Variants in MBD1 observed in about 807,000 individuals in gnomAD.
MBD1 encodes methyl-CpG binding domain protein 1.
A neutral mutation model predicts 82.6 loss-of-function variants in MBD1; 25 were observed. The observed-to-expected ratio is 0.30, with a 90% CI of 0.22 to 0.42. MBD1 has a LOEUF of 0.42. Among genes scored for constraint, MBD1 ranks in the 10% least tolerant of loss-of-function variants. The pLI is 1.00. For synonymous variants in MBD1, 301 were observed against 303.7 expected (o/e 0.99, Z 0.09); for missense variants, 627 against 819.6 (o/e 0.76, Z 2.87).
chr18:50,272,597 G>A (rs1440607860), intron 15 of MBD1, 80 bp downstream of exon 15: 2 of 1,516,074 alleles, frequency 1.3e-6, no homozygotes, highest in Non-Finnish European at 1.8e-6. Context: ...ATGCCAAACT[G>A]CCGGCTATAC....
chr18:50,277,288 T>C, intron 2 of MBD1, 84 bp from the exon 3 acceptor site: 1 of 1,096,552 alleles, frequency 9.1e-7, no homozygotes, highest in Non-Finnish European at 1.4e-6. Context: ...GCTGGCAGGA[T>C]ATAGGAGGCA....
intron 10 of MBD1, 81 bp from the exon 11 acceptor site, chr18:50,274,434 G>T: frequency 6.8e-7 from 1 of 1,472,668 alleles, no homozygotes; most frequent in Non-Finnish European, 9.2e-7. Flanking sequence ...GCTGGTCCTG[G>T]TGCTCCTCTA....
At chr18:50,281,529 C>G, upstream of MBD1, 1 of 575,438 alleles carries the variant, frequency 1.7e-6, no homozygotes, top group Non-Finnish European at 3.1e-6. Flanking sequence ...CTCCCGGAAC[C>G]GGAAGTCCGC....
At chr18:50,267,339 C>T, downstream of MBD1, 1 of 479,806 alleles carries the variant, frequency 2.1e-6, no homozygotes, top group Non-Finnish European at 3.7e-6. Context: ...AACCAAATAA[C>T]CAGTAATAAT....
rs369112732 is a variant in MBD1, at chr18:50,272,966, T to A, written c.1585-11A>T. On this transcript the variant is annotated splice_polypyrimidine_tract_variant and intron_variant, in intron 13 of 16. Transcript: ENST00000269468. ...GCCTGGGTCTACTGCCTGGGAGAAG[T>A]AGGAAACAGGCAACCATTAGAAGGG... 24 of 1,613,766 alleles carry A rather than the reference T, an allele frequency of 1.5e-5. No homozygotes were observed. In the Admixed American group the frequency reaches 3.8e-4, roughly 26 times the overall value.
At chr18:50,271,380 G>T in intron 16 of MBD1, 89 bp downstream of exon 16, 1 of 1,608,362 alleles carries the variant, frequency 6.2e-7, no homozygotes, top group South Asian at 1.1e-5. Context: ...TCCTAGGGTT[G>T]ATTCACACAC....
chr18:50,267,658 T>C (rs985005169), downstream of MBD1: 1 of 1,535,660 alleles, frequency 6.5e-7, no homozygotes. Context: ...AGCAAGGTGG[T>C]AATACCTAAA....
rs1555689732 is a variant in MBD1 at position 50,275,550 on chromosome 18, G to T, written c.792+50C>A. On this transcript the variant is annotated intron_variant, in intron 8 of 16. Coordinates refer to ENST00000269468, the MANE Select transcript of MBD1 (RefSeq NM_015846.4). The stretch of plus-strand genomic sequence containing the variant: ...GCCAGGTTGAAAGGAAGCAGAGGCA[G>T]CGACGATTTTAACAGCAGAATGAGC... The T allele has an allele frequency of 1.9e-6, 3 of 1,613,702 alleles. No homozygotes were observed. The African/African-American group carries it at 4.0e-5, about 22-fold the overall frequency.
At chr18:50,279,685 C>T (rs1257322763) in intron 2 of MBD1, 198 bp downstream of exon 2, 3 of 665,072 alleles carry the variant, frequency 4.5e-6, no homozygotes, top group Non-Finnish European at 7.5e-6. Flanking sequence ...TGAATAATCA[C>T]AAATGCACTG....
In MBD1 at chr18:50,273,808, G is replaced by T; in HGVS notation, c.1202C>A (p.Pro401Gln). Residue 401 changes from proline (P) to glutamine (Q), a missense_variant, in exon 12 of 17, where the codon CCA becomes CAA. Pro to Gln is a moderately conservative substitution (Grantham distance 76). Around this residue, in one of 6 missense-constraint regions of MBD1, gnomAD observed 265 missense variants for 278.4 expected, o/e 0.95. Coordinates refer to ENST00000269468, the MANE Select transcript of MBD1 (RefSeq NM_015846.4). ...SESEDGAGSP[P>Q]PYRRRKRPSS... ...GGGCCTCTTTCGACGACGGTAAGGT[G>T]GGGGCGATCCTGCCCCATCCTCAGA... The T allele has an allele frequency of 6.2e-7, 1 of 1,613,858 alleles. No individual in the cohort carries two copies. Among genetic ancestry groups the T allele is most frequent in the Non-Finnish European group, 8.5e-7 (1 of 1,180,034 alleles).
In MBD1 at chr18:50,269,325, T is replaced by C. The variant is rs962600492; in HGVS notation, c.*526A>G. ...CCTTGGGAGCGGATTCATGGTAGGG[T>C]GGCTTTGTAATGTGTCACCTTGGTG... On this transcript the variant is annotated 3_prime_UTR_variant, in exon 17 of 17. Coordinates refer to ENST00000269468, the MANE Select transcript of MBD1 (RefSeq NM_015846.4). 2.3e-6 allele frequency: 3 copies of C among 1,286,068 alleles called. No homozygotes were observed. The highest frequency in any genetic ancestry group is 3.2e-4 in the Middle Eastern group (1 of 3,158). The allele number at this position is 1,286,068 out of a possible 1,614,324, so 79.7% of individuals were successfully genotyped here. A position where few individuals can be genotyped will look rare whatever the true frequency, so the allele number is the denominator to read the frequency against.
intron 10 of MBD1, among the ~76,000 whole-genome samples, 187 bp from the exon 11 acceptor site, chr18:50,274,540 C>G (rs2036952131): frequency 6.6e-6 from 1 of 152,196 alleles, no homozygotes; most frequent in Non-Finnish European, 1.5e-5. Flanking sequence ...TGGCCACTAT[C>G]ACTGTGCCAG....
Position 50,273,734 on chromosome 18 carries a change from C to T in MBD1, c.1276G>A (p.Ala426Thr). 1 of 1,614,164 alleles carries T rather than the reference C, an allele frequency of 6.2e-7. No homozygotes were observed. The highest frequency in any genetic ancestry group is 8.5e-7 in the Non-Finnish European group (1 of 1,180,046). ...HLGPTLKPTL[A>T]TRTAQPDHTQ... is the part of the protein sequence containing the mutation. Reference sequence around the variant, plus strand: ...TGGTCTGGTTGGGCTGTGCGTGTAGCCAAGGTGGGCTTCAAGGTAGGGCCA... The same window carrying T: ...TGGTCTGGTTGGGCTGTGCGTGTAGTCAAGGTGGGCTTCAAGGTAGGGCCA... Residue 426 changes from alanine (A) to threonine (T), a missense_variant, in exon 12 of 17, where the codon GCT becomes ACT. Ala to Thr is a moderately conservative substitution (Grantham distance 58). This residue lies in a region of MBD1 where 265 missense variants were observed against 278.4 expected (regional missense o/e 0.95). Coordinates refer to ENST00000269468, the MANE Select transcript of MBD1 (RefSeq NM_015846.4).
At position 50,281,436 on chromosome 18, in the gene MBD1, C is replaced by T. The variant is rs1034808756; in HGVS notation, c.-99G>A. On this transcript the variant is annotated 5_prime_UTR_variant, in exon 1 of 17. Coordinates refer to ENST00000269468, the MANE Select transcript of MBD1 (RefSeq NM_015846.4). ...CATGGCGAGGGTCCCTCCTGCACCT[C>T]CCGCCTCGCCCTCCTCCCCTTCCTC... 2.4e-5 allele frequency: 14 copies of T among 588,186 alleles called. No individual in the cohort carries two copies. Among genetic ancestry groups the T allele is most frequent in the East Asian group, 8.6e-5 (3 of 34,974 alleles). 36.4% of individuals were successfully genotyped at this position (588,186 alleles called of 1,614,324 possible).
chr18:50,272,375 A>T (rs550225029), intron 15 of MBD1: 1 of 443,620 alleles, frequency 2.3e-6, no homozygotes, highest in Admixed American at 3.4e-5. Flanking sequence ...ACCCCTATAG[A>T]AATTCCTTAG....
Position 50,273,586 on chromosome 18 carries a change from G to A in MBD1, c.1424C>T (p.Ala475Val), listed in dbSNP as rs765812620. Reference protein sequence around the residue: ...SPVQVPGPVAASTEALLQEAQ... With the variant: ...SPVQVPGPVAVSTEALLQEAQ... Reference sequence around the variant, plus strand: ...CACCTGCAACAGGGCTTCTGTGGAAGCTGCAACAGGGCCCGGCACCTGCAC... The same window carrying A: ...CACCTGCAACAGGGCTTCTGTGGAAACTGCAACAGGGCCCGGCACCTGCAC... Residue 475 changes from alanine (A) to valine (V), a missense_variant, in exon 12 of 17, where the codon GCT (alanine) becomes GTT (valine). This residue lies in a region of MBD1 where 265 missense variants were observed against 278.4 expected (regional missense o/e 0.95). Transcript: ENST00000269468. 1 of 1,612,952 alleles carries A rather than the reference G, an allele frequency of 6.2e-7. No individual in the cohort carries two copies. The highest frequency in any genetic ancestry group is 8.5e-7 in the Non-Finnish European group (1 of 1,180,012).
At chr18:50,281,192 C>T in intron 1 of MBD1, 171 bp downstream of exon 1, 1 of 1,534,582 alleles carries the variant, frequency 6.5e-7, no homozygotes, top group Non-Finnish European at 8.7e-7. Flanking sequence ...GCATTCCTTC[C>T]CGTCCTCAGC....
intron 2 of MBD1, among the ~76,000 whole-genome samples, chr18:50,278,743 G>A (rs975761715): frequency 1.3e-5 from 2 of 152,206 alleles, no homozygotes; most frequent in Non-Finnish European, 2.9e-5. Flanking sequence ...CATGAACATT[G>A]AATACAAAAC....
intron 8 of MBD1, 133 bp downstream of exon 8, chr18:50,275,467 C>A: frequency 1.3e-6 from 2 of 1,595,220 alleles, no homozygotes; most frequent in South Asian, 2.2e-5. Context: ...GGCAGGTAGG[C>A]GGGGCCAGAA....
Sources: gnomAD v4.1 joint callset for allele counts (sites outside exome capture counted in the v4.1 genomes callset) on GRCh38, gnomAD v4.1.1 for gene constraint, gnomAD v4.1.1 regional missense constraint, MANE v1.5 for transcripts, NCBI Gene and HGNC (gene_info 2026-07-23, HGNC 2026-07-21) for gene names.